Variants in TCF7L1 observed in about 807,000 individuals in gnomAD.
TCF7L1 encodes the protein transcription factor 7-like 1.
In TCF7L1, 18 loss-of-function variants were observed where a neutral mutation model predicts 63.7. The ratio of observed to expected loss-of-function variants is 0.28; its 90% CI spans 0.20 to 0.42. TCF7L1 has a LOEUF of 0.42. Ranked by LOEUF, TCF7L1 falls within the 10% of genes least tolerant of loss-of-function variation. The probability of loss-of-function intolerance (pLI) is 1.00; values close to 1 mark genes in which losing one functional copy is unlikely to be tolerated. For missense variants in TCF7L1, 654 were observed against 779.3 expected (o/e 0.84, Z 1.91); for synonymous variants, 355 against 340.9 (o/e 1.04, Z -0.46).
At chr2:85,302,247 C>A (rs1015226242) in intron 4 of TCF7L1, among the ~76,000 whole-genome samples, 3 of 152,270 alleles carry the variant, frequency 2.0e-5, no homozygotes, top group East Asian at 1.9e-4. Context: ...TCCCCAGAAG[C>A]CTGTACTGTT....
In TCF7L1 at chr2:85,306,414, T is replaced by C; in HGVS notation, c.1150-38T>C. 6.2e-7 allele frequency: 1 copy of C among 1,613,698 alleles called. No homozygotes were observed. Among genetic ancestry groups the C allele is most frequent in the Non-Finnish European group, 8.5e-7 (1 of 1,179,646 alleles). On this transcript the variant is annotated intron_variant, in intron 9 of 11. Coordinates refer to ENST00000282111, the MANE Select transcript of TCF7L1 (RefSeq NM_031283.3). This position sits in a 1 kb window ranked among gnomAD's most constrained non-coding sequence, Gnocchi z 4.3. Reference sequence around the variant, plus strand: ...GGCCAGGGAGGCAGCGTCCCTGCATTGATGGCTCCGTGTGGTCTCTGACCC... The same window carrying C: ...GGCCAGGGAGGCAGCGTCCCTGCATCGATGGCTCCGTGTGGTCTCTGACCC...
chr2:85,255,273 G>T (rs1401845005), intron 3 of TCF7L1, among the ~76,000 whole-genome samples: 1 of 152,160 alleles, frequency 6.6e-6, no homozygotes, highest in African/African-American at 2.4e-5. Context: ...ACCTGGAGGA[G>T]ATTTTTAATA....
intron 3 of TCF7L1, among the ~76,000 whole-genome samples, chr2:85,138,244 C>T (rs7584403): frequency 0.23 from 34,559 of 151,978 alleles, 4,255 homozygotes; most frequent in Non-Finnish European, 0.26. Context: ...GGTCCTCAAA[C>T]GCGTGCTCAT....
intron 3 of TCF7L1, among the ~76,000 whole-genome samples, chr2:85,252,242 C>G (rs575173581): frequency 1.3e-5 from 2 of 152,236 alleles, no homozygotes; most frequent in South Asian, 4.1e-4. Context: ...ACATCCTCCC[C>G]ACAGGCTAGC....
At position 85,309,237 on chromosome 2, in the gene TCF7L1, G is replaced by T. The variant is rs764185209; in HGVS notation, c.1542G>T (p.Gln514His). The T allele has an allele frequency of 6.8e-6, 11 of 1,614,012 alleles. No individual in the cohort carries two copies. The highest frequency in any genetic ancestry group is 8.5e-6 in the Non-Finnish European group (10 of 1,180,010). The stretch of plus-strand genomic sequence containing the variant: ...CCACCAAACCAGAAACCCGGGCCCA[G>T]CTGGCTCTCCACTCTGCCGCCTTCC... ...SLTTKPETRA[Q>H]LALHSAAFLS... Residue 514 changes from glutamine to histidine, a missense_variant, in exon 12 of 12, where the codon CAG becomes CAT. Transcript: ENST00000282111.
At chr2:85,257,837 G>A (rs955525995) in intron 3 of TCF7L1, among the ~76,000 whole-genome samples, 12 of 152,286 alleles carry the variant, frequency 7.9e-5, no homozygotes, top group South Asian at 4.1e-4. Context: ...CTCCCGCCAC[G>A]TAGTGAGGGT....
chr2:85,233,177 A>T (rs1680120872), intron 3 of TCF7L1: 1 of 151,920 alleles, frequency 6.6e-6, no homozygotes, highest in Non-Finnish European at 1.5e-5. Context: ...CAAGAGATCC[A>T]CCCTCTTCAG....
chr2:85,138,436 G>A (rs1409686550), intron 3 of TCF7L1, among the ~76,000 whole-genome samples: 5 of 152,162 alleles, frequency 3.3e-5, no homozygotes. Context: ...TGGAAGATCA[G>A]TATAAACATG....
At chr2:85,284,372 G>C (rs547645527) in intron 4 of TCF7L1, among the ~76,000 whole-genome samples, 1 of 152,284 alleles carries the variant, frequency 6.6e-6, no homozygotes, top group South Asian at 2.1e-4. Flanking sequence ...GCAAACAAAT[G>C]CTCCTCAGGG....
Position 85,307,622 on chromosome 2 carries a change from C to T in TCF7L1, c.1258-20C>T, listed in dbSNP as rs1371319748. The T allele has an allele frequency of 5.6e-6, 9 of 1,611,668 alleles. No homozygotes were observed. The highest frequency in any genetic ancestry group is 1.1e-5 in the South Asian group (1 of 90,980). On this transcript the variant is annotated intron_variant, in intron 10 of 11. Coordinates refer to ENST00000282111, the MANE Select transcript of TCF7L1 (RefSeq NM_031283.3). ...ATTCTTCTCTCCCAGCTTACCTCTT[C>T]CTTTGGCTGTATTTTCCAGGGTAAG...
intron 3 of TCF7L1, among the ~76,000 whole-genome samples, chr2:85,162,465 C>A (rs191611992): frequency 2.6e-5 from 4 of 152,198 alleles, no homozygotes; most frequent in Non-Finnish European, 5.9e-5. Flanking sequence ...GCCAGGCCAC[C>A]CCTTATTAAA....
At chr2:85,241,843 T>A (rs1393529880) in intron 3 of TCF7L1, among the ~76,000 whole-genome samples, 2 of 152,202 alleles carry the variant, frequency 1.3e-5, no homozygotes, top group Non-Finnish European at 2.9e-5. Context: ...AAAAAGAAAT[T>A]AAATACAGCC....
At chr2:85,184,805 C>A (rs1237538529) in intron 3 of TCF7L1, among the ~76,000 whole-genome samples, 1 of 152,180 alleles carries the variant, frequency 6.6e-6, no homozygotes, top group Non-Finnish European at 1.5e-5. Context: ...GCTGTGCTCC[C>A]CTCTCTTCTA....
rs189057128 is a variant in TCF7L1, at chr2:85,148,750, G to A, written c.441+14300G>A. On this transcript the variant is annotated intron_variant, in intron 3 of 11. Transcript: ENST00000282111. ...ATTTTAACCAGCATCTTAACAAGTGGATCTTTTCTTACAGTATTTAATTTT... is the reference window on the plus strand; with the variant it reads ...ATTTTAACCAGCATCTTAACAAGTGAATCTTTTCTTACAGTATTTAATTTT... Among the ~76,000 whole-genome samples, 22 of 150,992 alleles carry A rather than the reference G, an allele frequency of 1.5e-4. No individual in the cohort carries two copies. The East Asian group carries it at 4.3e-3, about 29-fold the overall frequency.
chr2:85,297,563 C>T (rs1231433174), intron 4 of TCF7L1, among the ~76,000 whole-genome samples: 1 of 152,340 alleles, frequency 6.6e-6, no homozygotes, highest in Admixed American at 6.5e-5. Flanking sequence ...CAGTGCCTCA[C>T]ACCTGTAATC....
chr2:85,197,293 C>T (rs1679180814), intron 3 of TCF7L1, among the ~76,000 whole-genome samples: 1 of 152,146 alleles, frequency 6.6e-6, no homozygotes, highest in African/African-American at 2.4e-5. Context: ...CGCCTGTAAT[C>T]CCAGCTATTT....
intron 3 of TCF7L1, among the ~76,000 whole-genome samples, chr2:85,175,665 T>C (rs1278536171): frequency 6.6e-6 from 1 of 152,242 alleles, no homozygotes; most frequent in Non-Finnish European, 1.5e-5. Flanking sequence ...ACTGTCGCTG[T>C]TATCTGTATT....
At chr2:85,222,987 G>C (rs1679880943) in intron 3 of TCF7L1, among the ~76,000 whole-genome samples, 1 of 152,190 alleles carries the variant, frequency 6.6e-6, no homozygotes, top group South Asian at 2.1e-4. Flanking sequence ...TGGATGAATG[G>C]AGACGGGCCA....
chr2:85,178,798 C>A (rs542819725), intron 3 of TCF7L1, among the ~76,000 whole-genome samples: 1 of 152,088 alleles, frequency 6.6e-6, no homozygotes, highest in Non-Finnish European at 1.5e-5. Context: ...ACAAGACAGG[C>A]GGCAGGGCTG....
Sources: gnomAD v4.1 joint callset for allele counts (sites outside exome capture counted in the v4.1 genomes callset) on GRCh38, gnomAD v4.1.1 for gene constraint, Gnocchi (gnomAD v3.1) non-coding constraint, MANE v1.5 for transcripts, NCBI Gene and HGNC (gene_info 2026-07-23, HGNC 2026-07-21) for gene names.